PIGK: variants seen among roughly 807,000 people sequenced by gnomAD.
PIGK encodes the protein phosphatidylinositol glycan anchor biosynthesis class K.
PIGK carries 42 observed loss-of-function variants against 50.6 expected under a neutral mutation model. That is an observed-to-expected ratio of 0.83 (90% confidence interval 0.65 to 1.07). PIGK has a LOEUF of 1.07. Ranked by LOEUF, PIGK falls within the 50% of genes least tolerant of loss-of-function variation. The pLI is 0.00. For missense variants in PIGK, 448 were observed against 488.7 expected, an observed-to-expected ratio of 0.92 and a Z score of 0.78; for synonymous variants, 151 against 156.0, an observed-to-expected ratio of 0.97 and a Z score of 0.24.
At chr1:77,100,627 T>C (rs1400368941) in intron 10 of PIGK, among the ~76,000 whole-genome samples, 1 of 151,992 alleles carries the variant, frequency 6.6e-6, no homozygotes, top group African/African-American at 2.4e-5. Flanking sequence ...TCTCAGTTAA[T>C]AAAAAAGGAG....
chr1:77,094,846 G>T (rs1653372266), intron 10 of PIGK, among the ~76,000 whole-genome samples: 2 of 152,116 alleles, frequency 1.3e-5, no homozygotes, highest in African/African-American at 4.8e-5. Flanking sequence ...ACAGGTATGT[G>T]TTTCACATCT....
At chr1:77,095,719 C>CT (rs555339020) in intron 10 of PIGK, among the ~76,000 whole-genome samples, 1 of 152,046 alleles carries the variant, frequency 6.6e-6, no homozygotes, top group African/African-American at 2.4e-5. Flanking sequence ...TATACTTCAC[C>CT]TTTTTTTAAG....
At chr1:77,107,986 T>C (rs1160251694) in intron 10 of PIGK, among the ~76,000 whole-genome samples, 1 of 152,222 alleles carries the variant, frequency 6.6e-6, no homozygotes, top group Non-Finnish European at 1.5e-5. Flanking sequence ...TGTGAGTCTC[T>C]GCACATGAGA....
intron 10 of PIGK, among the ~76,000 whole-genome samples, chr1:77,110,717 A>G (rs1400167586): frequency 5.9e-5 from 9 of 152,214 alleles, no homozygotes; most frequent in Non-Finnish European, 1.5e-5. Flanking sequence ...CTTCACGACT[A>G]AAACACCAAA....
chr1:77,197,030 T>A (rs1441482253), intron 3 of PIGK, among the ~76,000 whole-genome samples: 1 of 152,130 alleles, frequency 6.6e-6, no homozygotes, highest in Admixed American at 6.5e-5. Context: ...TATTTAACAC[T>A]CTCACAGTAA....
At chr1:77,149,833 C>CCTAACCAGA (rs1654854257) in intron 9 of PIGK, among the ~76,000 whole-genome samples, 1 of 151,904 alleles carries the variant, frequency 6.6e-6, no homozygotes, top group African/African-American at 2.4e-5. Context: ...CCAGGATAGA[C>CCTAACCAGA]CATATGTTAG....
At chr1:77,145,678 C>T (rs890437158) in intron 9 of PIGK, among the ~76,000 whole-genome samples, 10 of 151,598 alleles carry the variant, frequency 6.6e-5, no homozygotes, top group Admixed American at 6.6e-4. Context: ...TCTTTTTTTA[C>T]TTTAAGAAAC....
rs144480406 is a variant in PIGK, at chr1:77,144,995, A to G, written c.986+9454T>C. Among the ~76,000 whole-genome samples the G allele has an allele frequency of 2.6e-5, 4 of 152,058 alleles. No individual in the cohort carries two copies. The East Asian group carries it at 7.7e-4, about 29-fold the overall frequency. ...CACTTTGAAAAATATAGTAACATGT[A>G]GAAAAGTATAGGAGAAATCCTGTCA... On this transcript the variant is annotated intron_variant, in intron 9 of 10. Coordinates refer to ENST00000370812, the MANE Select transcript of PIGK (RefSeq NM_005482.3).
chr1:77,131,527 C>T (rs1654371558), intron 9 of PIGK, among the ~76,000 whole-genome samples: 1 of 152,058 alleles, frequency 6.6e-6, no homozygotes, highest in South Asian at 2.1e-4. Flanking sequence ...AAGTTTGCTG[C>T]TAGCTTTAGA....
intron 9 of PIGK, among the ~76,000 whole-genome samples, chr1:77,142,286 C>T (rs1396439975): frequency 6.6e-6 from 1 of 152,074 alleles, no homozygotes; most frequent in East Asian, 1.9e-4. Flanking sequence ...ATAAAGATGG[C>T]ATTGTATTGC....
At chr1:77,126,905 T>G (rs925894535) in intron 9 of PIGK, among the ~76,000 whole-genome samples, 5 of 152,204 alleles carry the variant, frequency 3.3e-5, no homozygotes, top group Non-Finnish European at 1.5e-5. Flanking sequence ...AAAAGAATGT[T>G]CTTTTTCCAT....
chr1:77,091,613 T>A lies in PIGK; in HGVS notation c.*761A>T, dbSNP rs181196555. 101 of 152,272 alleles carry A rather than the reference T, an allele frequency of 6.6e-4. No individual in the cohort carries two copies. Among genetic ancestry groups the A allele is most frequent in the African/African-American group, 2.3e-3 (95 of 41,566 alleles). 9.4% of individuals were successfully genotyped at this position (152,272 alleles called of 1,614,324 possible). On this transcript the variant is annotated 3_prime_UTR_variant, in exon 11 of 11. Coordinates refer to ENST00000370812, the MANE Select transcript of PIGK (RefSeq NM_005482.3). ...CTCTTGAGCAGTCAGTACGTGAAAT[T>A]ATCAAAGGTCTAAAATTTCCCAAAT... is the stretch of plus-strand genomic sequence containing the variant.
At position 77,171,686 on chromosome 1, in the gene PIGK, G is replaced by A. The variant is rs538459108; in HGVS notation, c.240-2291C>T. ...CAATATATTATAAAACACTGTACTTGGAATAATACGGAAAAAGAGAAGTTG... is the reference window on the plus strand; with the variant it reads ...CAATATATTATAAAACACTGTACTTAGAATAATACGGAAAAAGAGAAGTTG... On this transcript the variant is annotated intron_variant, in intron 3 of 10. Transcript: ENST00000370812. Among the ~76,000 whole-genome samples the A allele has an allele frequency of 3.3e-5, 5 of 151,990 alleles. No homozygotes were observed. In the South Asian group the frequency reaches 1.0e-3, roughly 32 times the overall value.
intron 3 of PIGK, among the ~76,000 whole-genome samples, chr1:77,175,284 A>G (rs1373437502): frequency 6.6e-6 from 1 of 152,174 alleles, no homozygotes; most frequent in Non-Finnish European, 1.5e-5. Flanking sequence ...CTATGCAAAG[A>G]AGGTTATAAA....
intron 10 of PIGK, among the ~76,000 whole-genome samples, chr1:77,118,565 C>T (rs534281117): frequency 1.3e-5 from 2 of 152,260 alleles, no homozygotes; most frequent in African/African-American, 2.4e-5. Context: ...AGTTCTCATC[C>T]AAAAATTTTG....
At chr1:77,145,552 A>G (rs891021491) in intron 9 of PIGK, among the ~76,000 whole-genome samples, 5 of 152,106 alleles carry the variant, frequency 3.3e-5, no homozygotes, top group African/African-American at 1.2e-4. Flanking sequence ...TGAGATCTAA[A>G]TAACTGTAGA....
At chr1:77,141,941 G>A (rs1216343951) in intron 9 of PIGK, among the ~76,000 whole-genome samples, 1 of 151,850 alleles carries the variant, frequency 6.6e-6, no homozygotes, top group East Asian at 1.9e-4. Flanking sequence ...CATGAGCAAA[G>A]ATCACAGATC....
At chr1:77,199,605 T>C (rs1656115761) in intron 3 of PIGK, among the ~76,000 whole-genome samples, 1 of 151,824 alleles carries the variant, frequency 6.6e-6, no homozygotes, top group Admixed American at 6.6e-5. Flanking sequence ...AAATGTAAAA[T>C]ACATTTAGAA....
intron 3 of PIGK, among the ~76,000 whole-genome samples, chr1:77,204,790 TA>T (rs140929978): frequency 0.04 from 6,127 of 152,308 alleles, 161 homozygotes; most frequent in Middle Eastern, 0.058. Flanking sequence ...ATTTTACTTT[TA>T]AAATACAAAC....
Sources: gnomAD v4.1 joint callset for allele counts (sites outside exome capture counted in the v4.1 genomes callset) on GRCh38, gnomAD v4.1.1 for gene constraint, MANE v1.5 for transcripts, NCBI Gene and HGNC (gene_info 2026-07-23, HGNC 2026-07-21) for gene names.